The following DIAPH2 variants were observed in gnomAD, a reference collection of about 807,000 sequenced individuals.
DIAPH2 encodes protein diaphanous homolog 2.
Under a neutral mutation model 92.7 loss-of-function variants are expected in DIAPH2, and 35 were observed. That is an observed-to-expected ratio of 0.38 (90% CI 0.29 to 0.50). The LOEUF is 0.50. DIAPH2 is among the 20% of genes least tolerant of loss of function. The pLI is 0.94. For missense variants in DIAPH2, 701 were observed against 819.5 expected (o/e 0.86, Z 1.77); for synonymous variants, 301 against 280.4 (o/e 1.07, Z -0.73).
At chrX:97,506,347 C>T (rs1206903768) in intron 26 of DIAPH2, among the ~76,000 whole-genome samples, 1 of 106,606 alleles carries the variant, frequency 9.4e-6, no homozygotes, top group African/African-American at 3.4e-5. Context: ...GATGGGGTTT[C>T]ACCATATTGG....
At chrX:96,947,912 A>T (rs1313248558) in intron 14 of DIAPH2, among the ~76,000 whole-genome samples, 1 of 112,275 alleles carries the variant, frequency 8.9e-6, no homozygotes, top group Non-Finnish European at 1.9e-5. Context: ...GTGCCTGCTT[A>T]GAGCCCTGTC....
intron 9 of DIAPH2, among the ~76,000 whole-genome samples, chrX:96,925,813 T>C (rs770367448): frequency 1.8e-5 from 2 of 111,810 alleles, no homozygotes; most frequent in East Asian, 2.8e-4. Flanking sequence ...TCTAGTCATA[T>C]TGTGCTTTGT....
intron 26 of DIAPH2, among the ~76,000 whole-genome samples, chrX:97,598,571 C>T (rs971919677): frequency 1.8e-5 from 2 of 111,697 alleles, no homozygotes; most frequent in African/African-American, 6.5e-5. Flanking sequence ...AAACCTTTTC[C>T]CTATTAAAGC....
At chrX:96,809,321 CTTTAAAAAAAAAATGTGG>C (rs1413144112) in intron 4 of DIAPH2, among the ~76,000 whole-genome samples, 5 of 98,049 alleles carry the variant, frequency 5.1e-5, no homozygotes, top group African/African-American at 7.7e-5. Context: ...GTATGGCGGT[CTTTAAAAAAAAAATGTGG>C]TTAAAAAAAA....
chrX:96,789,758 C>A (rs919796486), intron 4 of DIAPH2, among the ~76,000 whole-genome samples: 1 of 111,874 alleles, frequency 8.9e-6, no homozygotes, highest in African/African-American at 3.3e-5. Flanking sequence ...TCCCCACTCC[C>A]CCAACTAGAG....
intron 17 of DIAPH2, among the ~76,000 whole-genome samples, chrX:97,055,593 C>G (rs929926133): frequency 9.0e-6 from 1 of 110,947 alleles, no homozygotes; most frequent in Non-Finnish European, 1.9e-5. Flanking sequence ...GCTGAAGATA[C>G]AGATGCAAGA....
At chrX:97,580,175 A>C (rs2071428975) in intron 26 of DIAPH2, among the ~76,000 whole-genome samples, 1 of 104,774 alleles carries the variant, frequency 9.5e-6, no homozygotes, top group African/African-American at 3.5e-5. Context: ...TCTCCTGCCT[A>C]ATTGCCCTGG....
At chrX:97,449,778 T>C (rs1203720576) in intron 26 of DIAPH2, 1 of 353,474 alleles carries the variant, frequency 2.8e-6, no homozygotes, top group East Asian at 2.1e-4. Context: ...TGGTGCCCTT[T>C]AGTGGGTCCC....
intron 21 of DIAPH2, among the ~76,000 whole-genome samples, chrX:97,133,928 C>T (rs2147400310): frequency 8.9e-6 from 1 of 112,088 alleles, no homozygotes; most frequent in East Asian, 2.8e-4. Flanking sequence ...CACTGAAACC[C>T]GATGTCTGCA....
intron 26 of DIAPH2, among the ~76,000 whole-genome samples, chrX:97,503,927 A>G (rs1036191707): frequency 8.9e-6 from 1 of 111,924 alleles, no homozygotes; most frequent in Non-Finnish European, 1.9e-5. Flanking sequence ...TTTTCAAACT[A>G]AATAGTCAGC....
At chrX:96,989,323 C>T in intron 17 of DIAPH2, among the ~76,000 whole-genome samples, 1 of 110,118 alleles carries the variant, frequency 9.1e-6, no homozygotes, top group Admixed American at 9.7e-5. Flanking sequence ...TCTTCGTGCT[C>T]CATTCTTAAG....
chrX:96,750,718 T>C (rs1441919502), intron 3 of DIAPH2, among the ~76,000 whole-genome samples: 1 of 112,733 alleles, frequency 8.9e-6, no homozygotes, highest in Non-Finnish European at 1.9e-5. Context: ...AGGTGAGGTG[T>C]TTTTAAAAAG....
chrX:97,045,047 G>C (rs771464281), intron 17 of DIAPH2, among the ~76,000 whole-genome samples: 135 of 111,670 alleles, frequency 1.2e-3, no homozygotes, highest in Non-Finnish European at 2.1e-3. Flanking sequence ...ACTCTCCTGG[G>C]TTTCCTCCCT....
intron 19 of DIAPH2, among the ~76,000 whole-genome samples, chrX:97,091,265 T>C (rs1265871007): frequency 4.5e-5 from 5 of 111,120 alleles, no homozygotes; most frequent in Non-Finnish European, 7.5e-5. Context: ...ACAAGTCTGT[T>C]TATTTTATTT....
intron 26 of DIAPH2, among the ~76,000 whole-genome samples, chrX:97,483,399 A>AAGAG (rs34255874): frequency 3.7e-5 from 4 of 106,907 alleles, no homozygotes; most frequent in Admixed American, 2.1e-4. Context: ...AAGGGGGCAA[A>AAGAG]AGAGAGAGAG....
chrX:97,006,023 C>A (rs777359289), intron 17 of DIAPH2, among the ~76,000 whole-genome samples: 3 of 98,773 alleles, frequency 3.0e-5, no homozygotes, highest in Non-Finnish European at 6.1e-5. Context: ...TCATTTGTTT[C>A]AGCAAATTTT....
At chrX:97,030,804 T>C (rs2066368376) in intron 17 of DIAPH2, among the ~76,000 whole-genome samples, 1 of 111,954 alleles carries the variant, frequency 8.9e-6, no homozygotes, top group Non-Finnish European at 1.9e-5. Flanking sequence ...TTCAGTGAAA[T>C]GTTTTTCATG....
chrX:96,766,922 C>G (rs1433279768), intron 4 of DIAPH2, among the ~76,000 whole-genome samples: 1 of 111,867 alleles, frequency 8.9e-6, no homozygotes, highest in African/African-American at 3.2e-5. Context: ...GTTACCTGAA[C>G]AAAACCACCC....
At chrX:97,215,731 G>A (rs1418995349) in intron 22 of DIAPH2, among the ~76,000 whole-genome samples, 1 of 111,643 alleles carries the variant, frequency 9.0e-6, no homozygotes, top group Non-Finnish European at 1.9e-5. Context: ...TGCTGCCTAA[G>A]TTAATTACAT....
Sources: allele counts gnomAD v4.1 joint callset (sites outside exome capture counted in the v4.1 genomes callset), GRCh38; gene constraint gnomAD v4.1.1; transcripts MANE v1.5; gene names NCBI Gene and HGNC (gene_info 2026-07-23, HGNC 2026-07-21).